Variants in FKBP5 observed in about 807,000 individuals in gnomAD.
The protein encoded by FKBP5 is FKBP prolyl isomerase 5, also known as peptidyl-prolyl cis-trans isomerase FKBP5.
In FKBP5, 23 loss-of-function variants were observed where a neutral mutation model predicts 50.5. That is an observed-to-expected ratio of 0.46 (90% CI 0.33 to 0.65). The LOEUF (loss-of-function observed/expected upper bound fraction) is 0.65, where lower values mean the gene tolerates loss of function less well. Ranked by LOEUF, FKBP5 falls within the 30% of genes least tolerant of loss-of-function variation. FKBP5 has a pLI of 0.02. For synonymous variants in FKBP5, 176 were observed against 190.6 expected (o/e 0.92, Z 0.63); for missense variants, 411 against 553.1 (o/e 0.74, Z 2.58).
intron 7 of FKBP5, 54 bp from the exon 8 acceptor site, chr6:35,587,171 G>C: frequency 1.4e-6 from 2 of 1,474,858 alleles, no homozygotes; most frequent in Non-Finnish European, 1.9e-6. Context: ...AGCATCAGTT[G>C]AGGCCTATTG....
intron 2 of FKBP5, among the ~76,000 whole-genome samples, chr6:35,638,899 G>A: frequency 6.6e-6 from 1 of 152,176 alleles, no homozygotes; most frequent in Non-Finnish European, 1.5e-5. Flanking sequence ...GAAGGAATCT[G>A]CATTTCTAGG....
chr6:35,627,450 A>G (rs1764033915), intron 3 of FKBP5, among the ~76,000 whole-genome samples: 1 of 152,042 alleles, frequency 6.6e-6, no homozygotes, highest in South Asian at 2.1e-4. Context: ...TCCTTTACCC[A>G]TTTTTAAATT....
intron 1 of FKBP5, among the ~76,000 whole-genome samples, chr6:35,672,913 G>C (rs1047143577): frequency 6.6e-6 from 1 of 151,004 alleles, no homozygotes; most frequent in Non-Finnish European, 1.5e-5. Context: ...CTGGGCAACA[G>C]AGAGAGACTC....
chr6:35,649,198 C>A (rs1049933008), intron 1 of FKBP5, among the ~76,000 whole-genome samples: 3 of 147,822 alleles, frequency 2.0e-5, no homozygotes, highest in East Asian at 4.0e-4. Flanking sequence ...TTGCAGTGAG[C>A]CAAGATCGCA....
At chr6:35,667,916 G>A (rs1004700663) in intron 1 of FKBP5, among the ~76,000 whole-genome samples, 33 of 152,066 alleles carry the variant, frequency 2.2e-4, no homozygotes, top group Admixed American at 2.0e-3. Flanking sequence ...AGTGAGCTGC[G>A]ATCCCGCCAC....
chr6:35,641,166 C>T (rs1352118589), intron 2 of FKBP5, among the ~76,000 whole-genome samples: 7 of 151,894 alleles, frequency 4.6e-5, no homozygotes, highest in African/African-American at 1.5e-4. Context: ...TTTTTTTCTA[C>T]AGATAGGGGT....
chr6:35,715,875 C>T (rs1050778883), intron 2 of FKBP5, among the ~76,000 whole-genome samples: 1 of 152,206 alleles, frequency 6.6e-6, no homozygotes, highest in African/African-American at 2.4e-5. Context: ...AGATGGGATC[C>T]TTCCAGCCCC....
rs760245959 is a variant in FKBP5 at position 35,577,038 on chromosome 6, T to G, written c.1222A>C (p.Ile408Leu). 58 of 1,614,218 alleles carry G rather than the reference T, an allele frequency of 3.6e-5. No homozygotes were observed. In the East Asian group the frequency reaches 3.8e-4, roughly 11 times the overall value. The change falls in exon 10 of 11, where the codon ATA (isoleucine) becomes CTA (leucine). Residue 408 changes from isoleucine (I) to leucine (L), a missense_variant. This residue lies in a region of FKBP5 where 88 missense variants were observed against 89.0 expected (regional missense o/e 0.99). Transcript: ENST00000357266. Reference protein sequence around the residue: ...AKEHNERDRRIYANMFKKFAE... With the variant: ...AKEHNERDRRLYANMFKKFAE... Reference sequence around the variant, plus strand: ...AACTTCTTGAACATGTTGGCGTATATCCTGCGGTCCCGCTCGTTGTGCTCC... The same window carrying G: ...AACTTCTTGAACATGTTGGCGTATAGCCTGCGGTCCCGCTCGTTGTGCTCC...
chr6:35,607,262 G>A (rs1317790683), intron 5 of FKBP5, among the ~76,000 whole-genome samples: 4 of 151,718 alleles, frequency 2.6e-5, no homozygotes, highest in African/African-American at 7.3e-5. Context: ...ACAGGGTCTC[G>A]CTTTGTTGCC....
upstream of FKBP5, among the ~76,000 whole-genome samples, chr6:35,690,190 C>T (rs193141055): frequency 6.6e-5 from 10 of 152,314 alleles, no homozygotes; most frequent in Admixed American, 3.9e-4. Flanking sequence ...GCCTGGGCGC[C>T]GGGCGCGGTG....
rs1316428167 is a variant in FKBP5, at chr6:35,661,855, A to T, written c.-19-19012T>A. ...AGCTTGACAACATAGCAACTGTATGATCTTGTGCAAGTCACTTACCTTCTT... is the reference window on the plus strand; with the variant it reads ...AGCTTGACAACATAGCAACTGTATGTTCTTGTGCAAGTCACTTACCTTCTT... On this transcript the variant is annotated intron_variant, in intron 1 of 10. Transcript: ENST00000357266. Among the ~76,000 whole-genome samples, 7 of 82,108 alleles carry T rather than the reference A, an allele frequency of 8.5e-5. 1 individual carries two copies. The highest frequency in any genetic ancestry group is 2.6e-4 in the African/African-American group (7 of 26,518). 53.9% of individuals were successfully genotyped at this position (82,108 alleles called of 152,430 possible). A position where few individuals can be genotyped will look rare whatever the true frequency, so the allele number is the denominator to read the frequency against.
intron 1 of FKBP5, among the ~76,000 whole-genome samples, chr6:35,681,461 T>TG (rs1765659119): frequency 6.6e-6 from 1 of 152,238 alleles, no homozygotes; most frequent in Admixed American, 6.5e-5. Flanking sequence ...ACCACTGTCC[T>TG]GATTTCTATC....
At chr6:35,725,926 GAA>G (rs1290208873) in intron 1 of FKBP5, among the ~76,000 whole-genome samples, 5 of 152,164 alleles carry the variant, frequency 3.3e-5, no homozygotes, top group Non-Finnish European at 7.3e-5. Context: ...GCACCGCAGG[GAA>G]AGTCCTGATG....
chr6:35,654,717 C>T (rs372731081), intron 1 of FKBP5, among the ~76,000 whole-genome samples: 3 of 152,138 alleles, frequency 2.0e-5, no homozygotes, highest in Non-Finnish European at 4.4e-5. Flanking sequence ...CTCCACTTCC[C>T]GGGTTCAAGC....
chr6:35,685,022 C>G (rs1765783291), intron 1 of FKBP5, among the ~76,000 whole-genome samples: 1 of 150,330 alleles, frequency 6.7e-6, no homozygotes, highest in Middle Eastern at 3.2e-3. Flanking sequence ...GATGACACCA[C>G]AGCACTCCAG....
chr6:35,699,850 C>A (rs895722852), intron 2 of FKBP5, among the ~76,000 whole-genome samples: 2 of 152,116 alleles, frequency 1.3e-5, no homozygotes, highest in Admixed American at 1.3e-4. Context: ...AGTTCAAGAC[C>A]GGCCTGGTCA....
chr6:35,623,517 T>A (rs561513777), intron 3 of FKBP5, among the ~76,000 whole-genome samples: 95 of 152,184 alleles, frequency 6.2e-4, no homozygotes, highest in Non-Finnish European at 1.2e-3. Flanking sequence ...AAAGGTGATA[T>A]GCATTTTAAA....
intron 6 of FKBP5, among the ~76,000 whole-genome samples, chr6:35,595,526 G>A (rs1364383574): frequency 7.9e-5 from 12 of 152,114 alleles, no homozygotes; most frequent in Non-Finnish European, 1.5e-4. Context: ...TGAGACAGGC[G>A]GATCACTTGA....
chr6:35,716,737 T>A (rs557048166), intron 2 of FKBP5, among the ~76,000 whole-genome samples: 1 of 151,846 alleles, frequency 6.6e-6, no homozygotes, highest in Admixed American at 6.6e-5. Context: ...ACCCCCTGCT[T>A]GGCTGGTCTC....
Sources: gnomAD v4.1 joint callset for allele counts (sites outside exome capture counted in the v4.1 genomes callset) on GRCh38, gnomAD v4.1.1 for gene constraint, gnomAD v4.1.1 regional missense constraint, MANE v1.5 for transcripts, NCBI Gene and HGNC (gene_info 2026-07-23, HGNC 2026-07-21) for gene names.